The following UNC79 variants were observed in gnomAD, a reference collection of about 807,000 sequenced individuals.
UNC79 encodes protein unc-79 homolog.
A neutral mutation model predicts 283.1 loss-of-function variants in UNC79; 37 were observed. The observed-to-expected ratio is 0.13, with a 90% CI of 0.10 to 0.17. The LOEUF (loss-of-function observed/expected upper bound fraction) is 0.17. UNC79 is among the 10% of genes least tolerant of loss of function. The pLI, the probability that UNC79 is intolerant of heterozygous loss-of-function variation, is 1.00. For missense variants in UNC79, 2,272 were observed against 3,211.1 expected (o/e 0.71, Z 7.07); for synonymous variants, 1,107 against 1,200.2 (o/e 0.92, Z 1.61).
At chr14:93,445,810 G>C (rs565372963) in intron 1 of UNC79, among the ~76,000 whole-genome samples, 2 of 152,076 alleles carry the variant, frequency 1.3e-5, no homozygotes, top group African/African-American at 4.8e-5. Flanking sequence ...CACAATTTTT[G>C]TTTGCTTTAA....
intron 22 of UNC79, among the ~76,000 whole-genome samples, chr14:93,590,488 C>T (rs1051171836): frequency 1.3e-5 from 2 of 152,154 alleles, no homozygotes; most frequent in African/African-American, 4.8e-5. Flanking sequence ...GTTAGGCAGA[C>T]GCTCCATGAA....
At chr14:93,519,067 T>G (rs770337303) in intron 7 of UNC79, among the ~76,000 whole-genome samples, 6 of 151,890 alleles carry the variant, frequency 4.0e-5, no homozygotes, top group Non-Finnish European at 7.4e-5. Flanking sequence ...TTTTCAAGTC[T>G]TATATATTTG....
chr14:93,592,172 CTTT>C lies in UNC79; in HGVS notation c.3033-1490_3033-1488del, dbSNP rs557283063. On this transcript the variant is annotated intron_variant, in intron 22 of 48. Transcript: ENST00000555664. ...TTATACATTCATTACATAACTTTTC[CTTT>C]TTTTTTTTTTTTTTTTTGAGACTGA... Among the ~76,000 whole-genome samples the C allele has an allele frequency of 5.9e-3, 739 of 124,718 alleles. 2 individuals are homozygous for C. The highest frequency in any genetic ancestry group is 0.022 in the African/African-American group (704 of 32,302). 81.8% of individuals were successfully genotyped at this position (124,718 alleles called of 152,430 possible). A position where few individuals can be genotyped will look rare whatever the true frequency, so the allele number is the denominator to read the frequency against.
intron 1 of UNC79, among the ~76,000 whole-genome samples, chr14:93,424,007 A>G (rs558166608): frequency 4.6e-5 from 7 of 152,278 alleles, no homozygotes; most frequent in African/African-American, 1.7e-4. Context: ...AGTTCAAACA[A>G]CTCTGTAGGA....
At chr14:93,568,695 C>G (rs2063043467) in intron 14 of UNC79, among the ~76,000 whole-genome samples, 1 of 140,088 alleles carries the variant, frequency 7.1e-6, no homozygotes, top group South Asian at 2.4e-4. Context: ...AAATAAAAAA[C>G]AAAAAACAAA....
intron 35 of UNC79, among the ~76,000 whole-genome samples, chr14:93,646,994 A>G (rs1596222425): frequency 6.6e-6 from 1 of 152,232 alleles, no homozygotes; most frequent in Non-Finnish European, 1.5e-5. Context: ...GCCAACAAAT[A>G]CTTTTAAGCC....
intron 14 of UNC79, among the ~76,000 whole-genome samples, chr14:93,557,133 G>A (rs2062218833): frequency 1.3e-5 from 2 of 152,224 alleles, no homozygotes; most frequent in Non-Finnish European, 1.5e-5. Context: ...GCTAAGCCAT[G>A]TCTATGTAAG....
At chr14:93,523,917 T>C in intron 7 of UNC79, 61 bp from the exon 8 acceptor site, 2 of 1,563,074 alleles carry the variant, frequency 1.3e-6, no homozygotes, top group South Asian at 2.3e-5. Context: ...AAATATCTGT[T>C]TTTACTAGGG....
intron 1 of UNC79, among the ~76,000 whole-genome samples, chr14:93,358,498 G>A (rs772368762): frequency 1.3e-5 from 2 of 152,130 alleles, no homozygotes; most frequent in African/African-American, 2.4e-5. Context: ...CTCTTATCAC[G>A]TGCATGGCTG....
At chr14:93,449,675 C>A (rs1827120680) in intron 1 of UNC79, among the ~76,000 whole-genome samples, 1 of 151,826 alleles carries the variant, frequency 6.6e-6, no homozygotes, top group East Asian at 1.9e-4. Context: ...GCCTTCTCAA[C>A]AATGACAATA....
intron 19 of UNC79, among the ~76,000 whole-genome samples, chr14:93,580,929 G>A (rs1284290095): frequency 6.6e-6 from 1 of 151,232 alleles, no homozygotes. Flanking sequence ...GGCTGGTCTT[G>A]AACTCCTGAG....
At chr14:93,406,725 A>G (rs1027120237) in intron 1 of UNC79, among the ~76,000 whole-genome samples, 1 of 152,246 alleles carries the variant, frequency 6.6e-6, no homozygotes, top group East Asian at 1.9e-4. Context: ...ACACACAAAG[A>G]GCTTGGAAGT....
At chr14:93,501,908 G>A (rs1266709501) in intron 7 of UNC79, among the ~76,000 whole-genome samples, 1 of 151,764 alleles carries the variant, frequency 6.6e-6, no homozygotes, top group Non-Finnish European at 1.5e-5. Flanking sequence ...TAACACACAG[G>A]GTTAATGATT....
At chr14:93,651,338 T>C (rs1189269622) in intron 35 of UNC79, among the ~76,000 whole-genome samples, 1 of 152,206 alleles carries the variant, frequency 6.6e-6, no homozygotes, top group African/African-American at 2.4e-5. Flanking sequence ...GCTGGGCTTG[T>C]ATTGAAAGAA....
At chr14:93,484,871 C>T (rs906276055) in intron 4 of UNC79, among the ~76,000 whole-genome samples, 9 of 152,218 alleles carry the variant, frequency 5.9e-5, no homozygotes, top group African/African-American at 2.2e-4. Flanking sequence ...TTTTCTAGGG[C>T]TTGAGCCAGG....
rs1275848577 is a variant in UNC79 at position 93,372,643 on chromosome 14, A to G, written c.-351+39120A>G. Reference sequence around the variant, plus strand: ...CAATCCTCAATGTGTTTAAGCACCTAACAACAAAGGATCAAAATACATGAG... The same window carrying G: ...CAATCCTCAATGTGTTTAAGCACCTGACAACAAAGGATCAAAATACATGAG... On this transcript the variant is annotated intron_variant, in intron 1 of 49. Coordinates refer to the UNC79 transcript ENST00000256339. Among the ~76,000 whole-genome samples the G allele has an allele frequency of 6.6e-5, 10 of 152,232 alleles. 1 individual carries two copies. Among genetic ancestry groups the G allele is most frequent in the Admixed American group, 6.5e-4 (10 of 15,290 alleles).
chr14:93,567,838 G>C (rs766137296), intron 14 of UNC79, among the ~76,000 whole-genome samples: 1 of 151,850 alleles, frequency 6.6e-6, no homozygotes, highest in Non-Finnish European at 1.5e-5. Context: ...CAAGGTGCTC[G>C]GGCACAGCTT....
At chr14:93,386,294 A>G (rs1407946893) in intron 1 of UNC79, among the ~76,000 whole-genome samples, 1 of 152,094 alleles carries the variant, frequency 6.6e-6, no homozygotes, top group Non-Finnish European at 1.5e-5. Context: ...CATATGCTGA[A>G]CCATGGTTGC....
At chr14:93,589,264 G>A (rs970685863) in intron 22 of UNC79, among the ~76,000 whole-genome samples, 1 of 152,158 alleles carries the variant, frequency 6.6e-6, no homozygotes, top group Non-Finnish European at 1.5e-5. Context: ...GGGGACCGGG[G>A]ACTGGTGATA....
Sources: gnomAD v4.1 joint callset for allele counts (sites outside exome capture counted in the v4.1 genomes callset) on GRCh38, gnomAD v4.1.1 for gene constraint, MANE v1.5 for transcripts, NCBI Gene and HGNC (gene_info 2026-07-23, HGNC 2026-07-21) for gene names.